The following SLC5A5 variants were observed in gnomAD, a reference collection of about 807,000 sequenced individuals.
SLC5A5 encodes sodium/iodide cotransporter.
A neutral mutation model predicts 68.6 loss-of-function variants in SLC5A5; 56 were observed. The ratio of observed to expected loss-of-function variants is 0.82; its 90% CI spans 0.66 to 1.02. SLC5A5 has a LOEUF of 1.02. Among genes scored for constraint, SLC5A5 ranks in the 50% least tolerant of loss-of-function variants. The pLI is 0.00. For synonymous variants in SLC5A5, 398 were observed against 373.0 expected (o/e 1.07, Z -0.77); for missense variants, 807 against 859.8 (o/e 0.94, Z 0.77).
At chr19:17,881,251 A>T (rs961606593) in intron 8 of SLC5A5, among the ~76,000 whole-genome samples, 1 of 150,826 alleles carries the variant, frequency 6.6e-6, no homozygotes, top group Non-Finnish European at 1.5e-5. Flanking sequence ...AACATCTACT[A>T]TGTGGCAGGT....
Position 17,893,947 on chromosome 19 carries a change from C to T in SLC5A5, c.*70C>T. On this transcript the variant is annotated 3_prime_UTR_variant, in exon 15 of 15. Transcript: ENST00000222248. ...GGATGGGCCAAACCCAGACAACGGG[C>T]CCATGGCCTTGGGCTCTGATTGGCT... is the stretch of plus-strand genomic sequence containing the variant. The T allele has an allele frequency of 1.4e-6, 2 of 1,434,360 alleles. No individual in the cohort carries two copies. Among genetic ancestry groups the T allele is most frequent in the Non-Finnish European group, 1.9e-6 (2 of 1,040,982 alleles). The allele number at this position is 1,434,360 out of a possible 1,614,324, so 88.9% of individuals were successfully genotyped here.
chr19:17,876,352 G>A (rs537742379), intron 5 of SLC5A5, among the ~76,000 whole-genome samples: 10 of 151,282 alleles, frequency 6.6e-5, no homozygotes, highest in South Asian at 4.2e-4. Context: ...GCTTGAGCCC[G>A]GTAGGTGGAG....
chr19:17,872,777 C>T, intron 1 of SLC5A5, 101 bp downstream of exon 1: 4 of 775,224 alleles, frequency 5.2e-6, no homozygotes, highest in South Asian at 2.9e-5. Context: ...CAGGAGGACG[C>T]GGATGGCACC....
Position 17,874,202 on chromosome 19 carries a change from C to A in SLC5A5, c.422C>A (p.Thr141Lys), listed in dbSNP as rs372849437. ...GGGACTTTGCAGTACATTGTAGCCA[C>A]GGTGAGTGGCCTCGGCCCCGCCCTC... ...LCGTLQYIVA[T>K]MLYTGIVIYA... Residue 141 changes from threonine to lysine, a missense_variant and splice_region_variant, in exon 2 of 15, where the codon ACG becomes AAG. Thr to Lys is a moderately conservative substitution (Grantham distance 78). Coordinates refer to ENST00000222248, the MANE Select transcript of SLC5A5 (RefSeq NM_000453.3). 2 of 1,604,934 alleles carry A rather than the reference C, an allele frequency of 1.2e-6. No individual in the cohort carries two copies. Among genetic ancestry groups the A allele is most frequent in the Non-Finnish European group, 1.7e-6 (2 of 1,172,384 alleles).
At position 17,872,250 on chromosome 19, in the gene SLC5A5, C is replaced by G; in HGVS notation, c.-70C>G. On this transcript the variant is annotated 5_prime_UTR_variant, in exon 1 of 15. Transcript: ENST00000222248. ...CGCCCTCCCCGTCCTGCCTCCTCGG[C>G]CCCTGCCAGCTTCCCCCGCTTGAGC... 3.6e-6 allele frequency: 2 copies of G among 561,170 alleles called. No homozygotes were observed. Among genetic ancestry groups the G allele is most frequent in the Non-Finnish European group, 6.2e-6 (2 of 324,306 alleles). 34.8% of individuals were successfully genotyped at this position (561,170 alleles called of 1,614,324 possible).
chr19:17,877,647 G>A, intron 5 of SLC5A5, 76 bp from the exon 6 acceptor site: 6 of 1,575,596 alleles, frequency 3.8e-6, no homozygotes, highest in Admixed American at 1.8e-5. Flanking sequence ...AGGTCCAGAA[G>A]CGCTGTCTGG....
rs2094327160 is a variant in SLC5A5, at chr19:17,883,878, T to C, written c.1358T>C (p.Leu453Ser). The C allele has an allele frequency of 2.5e-6, 4 of 1,581,240 alleles. No individual in the cohort carries two copies. The highest frequency in any genetic ancestry group is 1.3e-5 in the African/African-American group (1 of 74,086). The change falls in exon 12 of 15, where the codon TTG (leucine) becomes TCG (serine). Residue 453 changes from leucine to serine, a missense_variant. Physicochemically the swap from Leu to Ser is moderately radical, Grantham distance 145. Transcript: ENST00000222248. ...PGVLAGLGAG[L>S]ALSLWVALGA... ...GTCCTCGCGGGACTAGGCGCGGGCT[T>C]GGCGCTGTCGCTGTGGGTGGCCTTG...
chr19:17,877,934 C>G (rs2094311472), intron 6 of SLC5A5, 30 bp from the exon 7 acceptor site: 3 of 1,613,778 alleles, frequency 1.9e-6, no homozygotes, highest in Non-Finnish European at 2.5e-6. Context: ...TGAGGCTATC[C>G]CCTAAGCCTG....
intron 12 of SLC5A5, among the ~76,000 whole-genome samples, chr19:17,885,202 G>A (rs1267926352): frequency 6.6e-6 from 1 of 151,702 alleles, no homozygotes; most frequent in Non-Finnish European, 1.5e-5. Context: ...GTAGAGACAG[G>A]GTCTGGCTAT....
At chr19:17,876,898 C>T (rs942426426) in intron 5 of SLC5A5, among the ~76,000 whole-genome samples, 3 of 150,622 alleles carry the variant, frequency 2.0e-5, no homozygotes, top group African/African-American at 7.3e-5. Flanking sequence ...GGCGTGGTGG[C>T]GCATGCCTGT....
chr19:17,880,190 T>C (rs1441625181), intron 7 of SLC5A5, among the ~76,000 whole-genome samples: 1 of 150,362 alleles, frequency 6.7e-6, no homozygotes, highest in Non-Finnish European at 1.5e-5. Flanking sequence ...CATGAGCCAC[T>C]GTGCCCGGCC....
chr19:17,872,383 C>T lies in SLC5A5; in HGVS notation c.64C>T (p.Leu22Phe), dbSNP rs1228738461. The change falls in exon 1 of 15, where the codon CTC becomes TTC. Residue 22 changes from leucine to phenylalanine, a missense_variant. By Grantham distance (22) the Leu-to-Phe change is conservative. Transcript: ENST00000222248. ...FGAWDYGVFA[L>F]MLLVSTGIGL... ...AGCCTGGGACTACGGGGTCTTTGCC[C>T]TCATGCTCCTGGTGTCCACTGGCAT... The T allele has an allele frequency of 1.9e-6, 3 of 1,600,918 alleles. No individual in the cohort carries two copies. Among genetic ancestry groups the T allele is most frequent in the Non-Finnish European group, 2.6e-6 (3 of 1,173,806 alleles).
At chr19:17,880,611 G>T (rs542931044) in intron 7 of SLC5A5, among the ~76,000 whole-genome samples, 1 of 152,164 alleles carries the variant, frequency 6.6e-6, no homozygotes, top group Non-Finnish European at 1.5e-5. Flanking sequence ...CAGGAAGATC[G>T]CTTGAGCCCA....
chr19:17,883,249 T>A (rs2094324888), intron 10 of SLC5A5, among the ~76,000 whole-genome samples: 1 of 151,698 alleles, frequency 6.6e-6, no homozygotes, highest in African/African-American at 2.4e-5. Context: ...TAAGTTCTAT[T>A]TGATGCCAGA....
At chr19:17,874,450 C>T in intron 2 of SLC5A5, 44 bp from the exon 3 acceptor site, 1 of 1,602,804 alleles carries the variant, frequency 6.2e-7, no homozygotes, top group Non-Finnish European at 8.5e-7. Flanking sequence ...CCCCAACTCG[C>T]CCAGACGCCC....
chr19:17,872,964 C>T (rs1167173175), intron 1 of SLC5A5, among the ~76,000 whole-genome samples: 3 of 152,158 alleles, frequency 2.0e-5, no homozygotes, highest in Non-Finnish European at 4.4e-5. Flanking sequence ...CACGGGTGGA[C>T]ACACACCTGC....
chr19:17,881,958 A>T lies in SLC5A5; in HGVS notation c.1059-2A>T. 1 of 1,612,758 alleles carries T rather than the reference A, an allele frequency of 6.2e-7. No homozygotes were observed. The highest frequency in any genetic ancestry group is 8.5e-7 in the Non-Finnish European group (1 of 1,178,806). On this transcript the variant is annotated splice_acceptor_variant, in intron 8 of 14. Transcript: ENST00000222248. LOFTEE classifies it high-confidence loss of function. ...GGACCCCCCGCTGCCTTCCTCACACAGCACAGCATCCACCAGCATCAATGC... is the reference window on the plus strand; with the variant it reads ...GGACCCCCCGCTGCCTTCCTCACACTGCACAGCATCCACCAGCATCAATGC...
At chr19:17,887,601 T>TC (rs2029969484) in intron 12 of SLC5A5, among the ~76,000 whole-genome samples, 3 of 144,432 alleles carry the variant, frequency 2.1e-5, no homozygotes, top group African/African-American at 7.8e-5. Context: ...TTTTTAATTT[T>TC]TTTTTTTTTT....
At chr19:17,872,913 A>AGCGC (rs1041009067) in intron 1 of SLC5A5, among the ~76,000 whole-genome samples, 3 of 152,086 alleles carry the variant, frequency 2.0e-5, no homozygotes, top group Admixed American at 1.3e-4. Context: ...CTTCGGTGGA[A>AGCGC]GCGCGCGCGG....
Sources: allele counts gnomAD v4.1 joint callset (sites outside exome capture counted in the v4.1 genomes callset), GRCh38; gene constraint gnomAD v4.1.1; transcripts MANE v1.5; gene names NCBI Gene and HGNC (gene_info 2026-07-23, HGNC 2026-07-21).